Variants in CCDC136 observed in about 807,000 individuals in gnomAD.
The protein encoded by CCDC136 is coiled-coil domain containing 136.
A neutral mutation model predicts 141.2 loss-of-function variants in CCDC136; 100 were observed. That is an observed-to-expected ratio of 0.71 (90% CI 0.60 to 0.84). The LOEUF is 0.84. CCDC136 is among the 40% of genes least tolerant of loss of function. CCDC136 has a pLI of 0.00. For missense variants in CCDC136, 1,206 were observed against 1,379.4 expected (o/e 0.87, Z 1.99); for synonymous variants, 474 against 531.9 (o/e 0.89, Z 1.50).
Position 128,809,464 on chromosome 7 carries a change from G to A in CCDC136, c.1620G>A (p.Leu540=), listed in dbSNP as rs1263917648. Residue 540 remains leucine (L), a synonymous_variant, in exon 11 of 18, where the codon CTG becomes CTA. Coordinates refer to ENST00000297788, the MANE Select transcript of CCDC136 (RefSeq NM_022742.5). ...CCCACCCACAGTGTGACACACTGCT[G>A]TCCAGACTGACAGAATTGCAGGAAA... ...GKCANKCDTL[L]SRLTELQEKY... 6.5e-7 allele frequency: 1 copy of A among 1,542,662 alleles called. No homozygotes were observed. The highest frequency in any genetic ancestry group is 1.2e-5 in the South Asian group (1 of 83,808).
chr7:128,796,739 A>ATATATTTTTTTTTTTTT, intron 3 of CCDC136, among the ~76,000 whole-genome samples: 23 of 113,372 alleles, frequency 2.0e-4, no homozygotes, highest in Non-Finnish European at 3.0e-4. Context: ...ATATATATAT[A>ATATATTTTTTTTTTTTT]TTCTTTTTTT....
chr7:128,798,651 A>G (rs1346840593), intron 3 of CCDC136, among the ~76,000 whole-genome samples: 3 of 152,022 alleles, frequency 2.0e-5, no homozygotes, highest in Non-Finnish European at 4.4e-5. Context: ...TTTCTCCAGA[A>G]CACCCACCCC....
In CCDC136 at chr7:128,822,070, TC is replaced by T; in HGVS notation, c.*279del. ...AAAGGCTTGTGGGGAGCGGCTGACT[TC>T]CATCTCCTGCCTTGTGTAAGAACCT... is the stretch of plus-strand genomic sequence containing the variant. On this transcript the variant is annotated 3_prime_UTR_variant, in exon 18 of 18. Coordinates refer to ENST00000297788, the MANE Select transcript of CCDC136 (RefSeq NM_022742.5). 1 of 1,187,840 alleles carries T rather than the reference TC, an allele frequency of 8.4e-7. No homozygotes were observed. Among genetic ancestry groups the T allele is most frequent in the Non-Finnish European group, 1.1e-6 (1 of 939,398 alleles). The allele number at this position is 1,187,840 out of a possible 1,614,324, so 73.6% of individuals were successfully genotyped here.
chr7:128,799,534 C>G (rs1803665108), intron 3 of CCDC136, among the ~76,000 whole-genome samples: 2 of 151,590 alleles, frequency 1.3e-5, no homozygotes, highest in Admixed American at 6.6e-5. Flanking sequence ...CAGATATGCT[C>G]TCTGCCTCGA....
Position 128,815,862 on chromosome 7 carries a change from G to A in CCDC136, c.3294G>A (p.Glu1098=), listed in dbSNP as rs2270590. The change falls in exon 16 of 18, where the codon GAG becomes GAA. Residue 1098 remains glutamate (E), a synonymous_variant. Coordinates refer to ENST00000297788, the MANE Select transcript of CCDC136 (RefSeq NM_022742.5). ...AGGAAGAAGACAGTGAAGAGGAGGA[G>A]GATGACGCCGACTCTTCCCTTGAAA... is the stretch of plus-strand genomic sequence containing the variant. ...EEKEEDSEEE[E]DDADSSLESP... The A allele has an allele frequency of 0.2, 316,938 of 1,612,746 alleles. 42,788 individuals are homozygous for A. The highest frequency in any genetic ancestry group is 0.62 in the African/African-American group (46,171 of 74,836).
At chr7:128,796,739 A>ATATATAT in intron 3 of CCDC136, among the ~76,000 whole-genome samples, 7 of 113,372 alleles carry the variant, frequency 6.2e-5, no homozygotes, top group East Asian at 7.1e-4. Context: ...ATATATATAT[A>ATATATAT]TTCTTTTTTT....
Position 128,811,794 on chromosome 7 carries a change from C to T in CCDC136, c.2029-6C>T. 6.4e-7 allele frequency: 1 copy of T among 1,564,240 alleles called. No individual in the cohort carries two copies. Among genetic ancestry groups the T allele is most frequent in the Non-Finnish European group, 8.6e-7 (1 of 1,159,130 alleles). Reference sequence around the variant, plus strand: ...AATGATACTGTCTCCCCACCCCTGCCCCCAGCAATCCAAGCTGCTCATGGA... The same window carrying T: ...AATGATACTGTCTCCCCACCCCTGCTCCCAGCAATCCAAGCTGCTCATGGA... On this transcript the variant is annotated splice_polypyrimidine_tract_variant and splice_region_variant and intron_variant, in intron 12 of 17. Coordinates refer to ENST00000297788, the MANE Select transcript of CCDC136 (RefSeq NM_022742.5).
At chr7:128,808,587 G>A (rs989688864) in intron 10 of CCDC136, 9 of 985,398 alleles carry the variant, frequency 9.1e-6, no homozygotes, top group East Asian at 1.1e-4. Context: ...AGTCTCTAAC[G>A]ATGGTGGAGT....
At position 128,794,141 on chromosome 7, in the gene CCDC136, C is replaced by T. The variant is rs1309952935; in HGVS notation, c.17-207C>T. The T allele has an allele frequency of 1.0e-5, 7 of 676,110 alleles. No homozygotes were observed. The highest frequency in any genetic ancestry group is 2.1e-5 in the Admixed American group (1 of 47,606). 41.9% of individuals were successfully genotyped at this position (676,110 alleles called of 1,614,324 possible). On this transcript the variant is annotated intron_variant, in intron 1 of 17. Transcript: ENST00000297788. The surrounding 1 kb of genome is among the most constrained non-coding windows in gnomAD (Gnocchi z 4.3). ...AAGTGCAACATTGGTCCAGGAAGGG[C>T]CTGGGAGGTGGAGGGGCTGCTTCTC... is the stretch of plus-strand genomic sequence containing the variant.
chr7:128,790,792 C>T (rs116978967), upstream of CCDC136: 6,736 of 152,082 alleles, frequency 0.044, 179 homozygotes, highest in Non-Finnish European at 0.057. This position sits in a 1 kb window ranked among gnomAD's most constrained non-coding sequence, Gnocchi z 5.4. Context: ...ATGGGGCCAC[C>T]GGAGGGCTCC....
chr7:128,820,203 C>G (rs1170463455), intron 17 of CCDC136, among the ~76,000 whole-genome samples: 8 of 152,162 alleles, frequency 5.3e-5, no homozygotes, highest in Non-Finnish European at 1.2e-4. Context: ...AGTGTCGTCT[C>G]TTGGGGTTCT....
At chr7:128,813,369 G>A (rs1806079406) in intron 14 of CCDC136, among the ~76,000 whole-genome samples, 1 of 152,162 alleles carries the variant, frequency 6.6e-6, no homozygotes, top group Non-Finnish European at 1.5e-5. Flanking sequence ...GCACCCCCTA[G>A]GAATGGGACA....
chr7:128,806,200 G>C (rs774317730), intron 7 of CCDC136, 37 bp from the exon 8 acceptor site: 1 of 1,500,432 alleles, frequency 6.7e-7, no homozygotes. Flanking sequence ...GCTGTTTCTT[G>C]AGAGTAACTG....
At position 128,812,179 on chromosome 7, in the gene CCDC136, G is replaced by A. The variant is rs1430018135; in HGVS notation, c.2408G>A (p.Ser803Asn). 1 of 1,614,016 alleles carries A rather than the reference G, an allele frequency of 6.2e-7. No homozygotes were observed. The highest frequency in any genetic ancestry group is 1.7e-5 in the Admixed American group (1 of 60,028). The change falls in exon 13 of 18, where the codon AGT (serine) becomes AAT (asparagine). Residue 803 changes from serine to asparagine, a missense_variant. Coordinates refer to ENST00000297788, the MANE Select transcript of CCDC136 (RefSeq NM_022742.5). ...AGTGCCAGTGAGGCCTATGGGAAGA[G>A]TTACTGCACTACCAGCAACAGCAGC... is the stretch of plus-strand genomic sequence containing the variant. Reference protein sequence around the residue: ...STSASEAYGKSYCTTSNSSIT... With the variant: ...STSASEAYGKNYCTTSNSSIT...
At chr7:128,816,316 C>A (rs62479613) in intron 16 of CCDC136, among the ~76,000 whole-genome samples, 3,262 of 152,328 alleles carry the variant, frequency 0.021, 52 homozygotes, top group Non-Finnish European at 0.034. Flanking sequence ...CCATTTCTGT[C>A]GGTCTGGGCA....
Position 128,814,654 on chromosome 7 carries a change from C to A in CCDC136, c.2780C>A (p.Thr927Asn), listed in dbSNP as rs374327276. 87 of 1,586,184 alleles carry A rather than the reference C, an allele frequency of 5.5e-5. No individual in the cohort carries two copies. In the South Asian group the frequency reaches 9.4e-4, roughly 17 times the overall value. ...NDKNEIKELQ[T>N]KLRELQLQYQ... ...TACCAACAGATCAAAGAACTGCAGA[C>A]CAAGCTGCGGGAGCTGCAGCTGCAA... Residue 927 changes from threonine to asparagine, a missense_variant, in exon 15 of 18, where the codon ACC (threonine) becomes AAC (asparagine). Physicochemically the swap from Thr to Asn is moderately conservative, Grantham distance 65. Transcript: ENST00000297788.
At chr7:128,811,108 T>A (rs1194665680) in intron 12 of CCDC136, among the ~76,000 whole-genome samples, 1 of 152,256 alleles carries the variant, frequency 6.6e-6, no homozygotes, top group Admixed American at 6.5e-5. Context: ...CCAAATCTAT[T>A]CATTCAGATC....
chr7:128,810,358 C>G lies in CCDC136; in HGVS notation c.2020C>G (p.Arg674Gly), dbSNP rs372613683. The G allele has an allele frequency of 6.2e-7, 1 of 1,610,198 alleles. No individual in the cohort carries two copies. Among genetic ancestry groups the G allele is most frequent in the African/African-American group, 1.3e-5 (1 of 74,956 alleles). ...ATTGGCTAAGTCCTCCAAATGTAAT[C>G]GAAACAAGGTAACCATAGCAAGAGG... ...SKLAKSSKCN[R>G]NKQSKLLMEQ... Residue 674 changes from arginine to glycine, a missense_variant, in exon 12 of 18, where the codon CGA (arginine) becomes GGA (glycine). Physicochemically the swap from Arg to Gly is moderately radical, Grantham distance 125. Transcript: ENST00000297788.
Position 128,805,218 on chromosome 7 carries a change from A to G in CCDC136, c.783-141A>G, listed in dbSNP as rs574308103. 5 of 700,110 alleles carry G rather than the reference A, an allele frequency of 7.1e-6. No homozygotes were observed. Among genetic ancestry groups the G allele is most frequent in the African/African-American group, 7.1e-5 (4 of 56,534 alleles). 43.4% of individuals were successfully genotyped at this position (700,110 alleles called of 1,614,324 possible). On this transcript the variant is annotated intron_variant, in intron 5 of 17. Transcript: ENST00000297788. This position sits in a 1 kb window ranked among gnomAD's most constrained non-coding sequence, Gnocchi z 4.6. Reference sequence around the variant, plus strand: ...GGAGACTTTCTGTAGTCTTTTAAGCATGTTTATCTGAGCGGTGAGTCACAA... The same window carrying G: ...GGAGACTTTCTGTAGTCTTTTAAGCGTGTTTATCTGAGCGGTGAGTCACAA...
Sources: allele counts gnomAD v4.1 joint callset (sites outside exome capture counted in the v4.1 genomes callset), GRCh38; gene constraint gnomAD v4.1.1; non-coding constraint Gnocchi (gnomAD v3.1); transcripts MANE v1.5; gene names NCBI Gene and HGNC (gene_info 2026-07-23, HGNC 2026-07-21).